The following TENM1 variants were observed in gnomAD, a reference collection of about 807,000 sequenced individuals.
TENM1 encodes teneurin-1.
In TENM1, 35 loss-of-function variants were observed where a neutral mutation model predicts 174.8. That is an observed-to-expected ratio of 0.20 (90% CI 0.15 to 0.27). The LOEUF (loss-of-function observed/expected upper bound fraction) is 0.27. Ranked by LOEUF, TENM1 falls within the 10% of genes least tolerant of loss-of-function variation. The pLI is 1.00. For missense variants in TENM1, 1,633 were observed against 2,130.1 expected, an observed-to-expected ratio of 0.77 and a Z score of 4.59; for synonymous variants, 781 against 798.7, an observed-to-expected ratio of 0.98 and a Z score of 0.37.
chrX:124,511,639 G>A (rs2047587206), intron 18 of TENM1, among the ~76,000 whole-genome samples: 1 of 112,023 alleles, frequency 8.9e-6, no homozygotes, highest in Non-Finnish European at 1.9e-5. Flanking sequence ...AGGCAGGAAT[G>A]TTATAAGGAT....
At chrX:124,849,037 A>C (rs1204537058) in intron 3 of TENM1, among the ~76,000 whole-genome samples, 1 of 111,779 alleles carries the variant, frequency 8.9e-6, no homozygotes, top group Non-Finnish European at 1.9e-5. Flanking sequence ...TAATATTTTT[A>C]AAGTAAAATT....
the TENM1 span, among the ~76,000 whole-genome samples, chrX:124,990,369 T>C: frequency 2.7e-5 from 3 of 113,142 alleles, no homozygotes; most frequent in East Asian, 8.3e-4. Context: ...TTCAGCACCA[T>C]GCATCTTATT....
chrX:124,711,893 G>C (rs1424482718), intron 4 of TENM1, among the ~76,000 whole-genome samples: 1 of 111,295 alleles, frequency 9.0e-6, no homozygotes, highest in Non-Finnish European at 1.9e-5. Flanking sequence ...CATTCTATTT[G>C]TTTCTATGAT....
chrX:125,081,556 C>T, the TENM1 span, among the ~76,000 whole-genome samples: 3 of 110,986 alleles, frequency 2.7e-5, no homozygotes, highest in African/African-American at 9.8e-5. Context: ...CTATCTCACA[C>T]AGACTCAATC....
Position 124,700,116 on chromosome X carries a change from C to T in TENM1, c.1015+4897G>A, listed in dbSNP as rs1225126934. On this transcript the variant is annotated intron_variant, in intron 5 of 31. Transcript: ENST00000422452. ...AAGCTGTAATGCATTTTAATGAAAA[C>T]GTGTTTCAACCTAGATATGGCCTTC... Among the ~76,000 whole-genome samples, 19 of 111,745 alleles carry T rather than the reference C, an allele frequency of 1.7e-4. No individual in the cohort carries two copies. The Admixed American group carries it at 1.8e-3, about 11-fold the overall frequency.
At chrX:124,919,091 C>A (rs1188013509) in intron 1 of TENM1, among the ~76,000 whole-genome samples, 1 of 112,036 alleles carries the variant, frequency 8.9e-6, no homozygotes, top group African/African-American at 3.2e-5. Context: ...TTTTCTAAGC[C>A]TCGCTTTAGC....
intron 11 of TENM1, among the ~76,000 whole-genome samples, chrX:124,575,248 A>G (rs765470555): frequency 8.9e-6 from 1 of 112,026 alleles, no homozygotes; most frequent in Non-Finnish European, 1.9e-5. Context: ...CACGTTTTCT[A>G]TGCTTGAAGT....
chrX:125,144,638 G>C, the TENM1 span, among the ~76,000 whole-genome samples: 4 of 111,808 alleles, frequency 3.6e-5, no homozygotes, highest in African/African-American at 1.3e-4. Context: ...AGGAGCATAG[G>C]AGCATCCACA....
the TENM1 span, among the ~76,000 whole-genome samples, chrX:125,136,351 G>A: frequency 9.0e-6 from 1 of 111,452 alleles, no homozygotes; most frequent in Non-Finnish European, 1.9e-5. Flanking sequence ...TAATAGTCTT[G>A]CACATCTACT....
chrX:124,811,354 A>G (rs1445562602), intron 3 of TENM1, among the ~76,000 whole-genome samples: 2 of 111,785 alleles, frequency 1.8e-5, no homozygotes, highest in Non-Finnish European at 3.8e-5. Flanking sequence ...AATTGGCAAA[A>G]GGTCTGAATC....
intron 10 of TENM1, among the ~76,000 whole-genome samples, chrX:124,644,381 T>A (rs2051104576): frequency 1.8e-5 from 2 of 108,956 alleles, no homozygotes; most frequent in Admixed American, 2.0e-4. Flanking sequence ...TATTGTGCAT[T>A]TCCAGCAGCC....
Position 124,497,403 on chromosome X carries a change from C to G in TENM1, c.3446-138G>C, listed in dbSNP as rs1452330938. 3 of 584,897 alleles carry G rather than the reference C, an allele frequency of 5.1e-6. No individual in the cohort carries two copies. In the East Asian group the frequency reaches 1.1e-4, roughly 22 times the overall value. The allele number at this position is 584,897 out of a possible 1,213,427, so 48.2% of individuals were successfully genotyped here. A position where few individuals can be genotyped will look rare whatever the true frequency, so the allele number is the denominator to read the frequency against. ...GGCATAAGAGAACCTGAGAGTGAAACACACACTTTCCTCGGTTTTGTTTAA... is the reference window on the plus strand; with the variant it reads ...GGCATAAGAGAACCTGAGAGTGAAAGACACACTTTCCTCGGTTTTGTTTAA... On this transcript the variant is annotated intron_variant, in intron 19 of 31. Transcript: ENST00000422452.
chrX:124,885,432 T>A (rs932473640), intron 3 of TENM1, among the ~76,000 whole-genome samples: 2 of 111,100 alleles, frequency 1.8e-5, no homozygotes, highest in Non-Finnish European at 3.8e-5. Context: ...TCTAGTGAAA[T>A]ACTGGAAATG....
chrX:124,860,292 C>A (rs1046148581), intron 3 of TENM1, among the ~76,000 whole-genome samples: 1 of 111,801 alleles, frequency 8.9e-6, no homozygotes, highest in Non-Finnish European at 1.9e-5. Context: ...CTTATACCAG[C>A]TGGCAAGTTC....
In TENM1 at chrX:124,709,285, T is replaced by C. The variant is rs189251897; in HGVS notation, c.777-4034A>G. ...TTTTCCTTGGCCCCACAGCTAGTAA[T>C]TGATTAAACTGAGTTTCAAACCCAG... On this transcript the variant is annotated intron_variant, in intron 4 of 31. Coordinates refer to ENST00000422452, the Ensembl canonical transcript of TENM1. Among the ~76,000 whole-genome samples, 195 of 111,527 alleles carry C rather than the reference T, an allele frequency of 1.7e-3. 1 individual carries two copies. Among genetic ancestry groups the C allele is most frequent in the Middle Eastern group, 0.014 (3 of 214 alleles).
exon 24 of TENM1, chrX:124,422,368 T>C (rs1184148788): frequency 3.3e-6 from 4 of 1,208,039 alleles, no homozygotes; most frequent in Admixed American, 4.4e-5. Context: ...ACTTGCTGAA[T>C]GCGGTTTACT....
the TENM1 span, among the ~76,000 whole-genome samples, chrX:125,118,005 G>A: frequency 9.0e-6 from 1 of 110,763 alleles, no homozygotes; most frequent in African/African-American, 3.3e-5. Context: ...ATAAAATGTG[G>A]TATATATATA....
chrX:124,634,031 G>GTT (rs751889136), intron 11 of TENM1, among the ~76,000 whole-genome samples: 1 of 111,615 alleles, frequency 9.0e-6, no homozygotes, highest in South Asian at 3.7e-4. Context: ...TCACCTTAAT[G>GTT]TTTATCTTTT....
intron 3 of TENM1, among the ~76,000 whole-genome samples, chrX:124,811,080 A>G (rs1268226684): frequency 9.0e-6 from 1 of 111,387 alleles, no homozygotes; most frequent in Non-Finnish European, 1.9e-5. Context: ...CCAGGATAAA[A>G]CACAGGGAAA....
Sources: allele counts gnomAD v4.1 joint callset (sites outside exome capture counted in the v4.1 genomes callset), GRCh38; gene constraint gnomAD v4.1.1; transcripts MANE v1.5; gene names NCBI Gene and HGNC (gene_info 2026-07-23, HGNC 2026-07-21).